The following DLGAP2 variants were observed in gnomAD, a reference collection of about 807,000 sequenced individuals.
DLGAP2 encodes disks large-associated protein 2.
A neutral mutation model predicts 100.3 loss-of-function variants in DLGAP2; 26 were observed. The ratio of observed to expected loss-of-function variants is 0.26; its 90% CI spans 0.19 to 0.36. The LOEUF (loss-of-function observed/expected upper bound fraction) is 0.36. Among genes scored for constraint, DLGAP2 ranks in the 10% least tolerant of loss-of-function variants. DLGAP2 has a pLI of 1.00. For synonymous variants in DLGAP2, 886 were observed against 630.1 expected (o/e 1.41, Z -6.08); for missense variants, 1,858 against 1,453.2 (o/e 1.28, Z -4.53).
intron 2 of DLGAP2, among the ~76,000 whole-genome samples, chr8:960,649 C>G (rs1799704229): frequency 6.6e-6 from 1 of 152,192 alleles, no homozygotes; most frequent in Admixed American, 6.5e-5. Context: ...GTTTAGTCAG[C>G]TGGTATTTAC....
At chr8:1,070,812 G>A (rs2701898) in intron 2 of DLGAP2, among the ~76,000 whole-genome samples, 51,005 of 151,976 alleles carry the variant, frequency 0.34, 9,325 homozygotes, top group East Asian at 0.46. Context: ...TAGAGAGGCC[G>A]TCTGCGTATT....
intron 3 of DLGAP2, among the ~76,000 whole-genome samples, chr8:1,260,392 C>G (rs553777211): frequency 6.6e-6 from 1 of 152,172 alleles, no homozygotes; most frequent in South Asian, 2.1e-4. Context: ...GCATCTTGCT[C>G]TTCGTCTACT....
intron 2 of DLGAP2, among the ~76,000 whole-genome samples, chr8:1,218,639 A>G (rs186261628): frequency 1.3e-5 from 2 of 152,204 alleles, no homozygotes; most frequent in Admixed American, 6.5e-5. Context: ...TTTAATATAT[A>G]TTTTAGAATA....
Position 1,431,740 on chromosome 8 carries a change from A to T in DLGAP2, c.107-69626A>T, listed in dbSNP as rs149578882. 8.2e-3 allele frequency among the ~76,000 whole-genome samples: 1,187 copies of T among 145,014 alleles called. 11 individuals carry two copies. Among genetic ancestry groups the T allele is most frequent in the Admixed American group, 0.015 (216 of 14,750 alleles). On this transcript the variant is annotated intron_variant, in intron 3 of 14. Coordinates refer to ENST00000637795, the MANE Select transcript of DLGAP2 (RefSeq NM_001346810.2). ...ACTCTCCTGGGCTATTGGGCAGCTT[A>T]CTCAGCCTTCCTTTTCTTTAGTTTG...
At chr8:1,457,930 A>G (rs866058387) in intron 3 of DLGAP2, among the ~76,000 whole-genome samples, 2 of 146,774 alleles carry the variant, frequency 1.4e-5, no homozygotes, top group South Asian at 4.3e-4. Context: ...TGATGCAGGG[A>G]AATTATAAAA....
chr8:780,795 G>T (rs1821661850), intron 1 of DLGAP2, among the ~76,000 whole-genome samples: 1 of 152,230 alleles, frequency 6.6e-6, no homozygotes, highest in Non-Finnish European at 1.5e-5. Flanking sequence ...CTCACCAAAG[G>T]CTGGTGCCCT....
At chr8:906,032 G>C (rs1296126449) in intron 1 of DLGAP2, among the ~76,000 whole-genome samples, 1 of 152,214 alleles carries the variant, frequency 6.6e-6, no homozygotes, top group African/African-American at 2.4e-5. Context: ...CGTTAGTCTG[G>C]AGCTAACCGT....
intron 5 of DLGAP2, among the ~76,000 whole-genome samples, chr8:1,552,650 G>A (rs1801808715): frequency 1.3e-5 from 2 of 152,188 alleles, no homozygotes; most frequent in Admixed American, 1.3e-4. Flanking sequence ...GAAACTAAAG[G>A]AATTTGTCTG....
chr8:948,983 A>C (rs1563109530), intron 2 of DLGAP2, among the ~76,000 whole-genome samples: 1 of 139,042 alleles, frequency 7.2e-6, no homozygotes, highest in African/African-American at 2.8e-5. Context: ...CATCTTGAGG[A>C]GTCGCCGGGG....
At chr8:1,500,118 T>C (rs540630406) in intron 3 of DLGAP2, among the ~76,000 whole-genome samples, 1 of 152,362 alleles carries the variant, frequency 6.6e-6, no homozygotes, top group East Asian at 1.9e-4. Flanking sequence ...TATGCCAAAA[T>C]GGTGACAAAG....
rs766978188 is a variant in DLGAP2, at chr8:1,701,400, G to A, written c.3162G>A (p.Arg1054=). 7.2e-5 allele frequency: 114 copies of A among 1,587,556 alleles called. 1 individual carries two copies. The Middle Eastern group carries it at 8.6e-4, about 12-fold the overall frequency. The change falls in exon 15 of 15, where the codon CGG becomes CGA. Residue 1054 remains arginine (R), a synonymous_variant. Transcript: ENST00000637795. The stretch of plus-strand genomic sequence containing the variant: ...TCTACATCCCCGAGGCCCAGACCCG[G>A]CTCTGAGGGCGGAGGCCGGCGCCTT... ...IEIYIPEAQT[R]L
At chr8:1,230,277 G>C (rs1798507983) in intron 2 of DLGAP2, among the ~76,000 whole-genome samples, 1 of 152,072 alleles carries the variant, frequency 6.6e-6, no homozygotes. Flanking sequence ...GCTACAAAAA[G>C]AATAAAATAC....
At chr8:1,279,095 A>G (rs1188598477) in intron 3 of DLGAP2, among the ~76,000 whole-genome samples, 2 of 152,270 alleles carry the variant, frequency 1.3e-5, no homozygotes, top group Admixed American at 6.5e-5. Flanking sequence ...AGAACAAAAT[A>G]GTATTTTTCT....
intron 2 of DLGAP2, among the ~76,000 whole-genome samples, chr8:1,075,818 G>A (rs1222364551): frequency 1.3e-5 from 2 of 152,082 alleles, no homozygotes; most frequent in South Asian, 2.1e-4. Context: ...TGTAATCCCA[G>A]CACCTTGGGA....
intron 2 of DLGAP2, among the ~76,000 whole-genome samples, chr8:1,199,843 G>A (rs1276107860): frequency 3.9e-5 from 6 of 152,070 alleles, no homozygotes; most frequent in Non-Finnish European, 7.4e-5. Context: ...ATAACTCTTA[G>A]AAACACTGGA....
At chr8:914,586 G>A (rs1798552717) in intron 2 of DLGAP2, among the ~76,000 whole-genome samples, 1 of 152,208 alleles carries the variant, frequency 6.6e-6, no homozygotes, top group South Asian at 2.1e-4. Flanking sequence ...ATGAAGCAGG[G>A]TCAGCCCCCA....
intron 4 of DLGAP2, among the ~76,000 whole-genome samples, chr8:1,535,169 C>T (rs368269427): frequency 1.4e-4 from 22 of 152,308 alleles, no homozygotes; most frequent in African/African-American, 5.3e-4. Context: ...GCCCAGAAGT[C>T]CCCCCAGGGG....
At chr8:1,566,202 CTGTT>C (rs1186820799) in intron 6 of DLGAP2, among the ~76,000 whole-genome samples, 6 of 152,158 alleles carry the variant, frequency 3.9e-5, no homozygotes, top group African/African-American at 1.2e-4. Flanking sequence ...GCACATGTCT[CTGTT>C]TGTATGAATG....
At chr8:1,175,176 G>A (rs907295754) in intron 2 of DLGAP2, among the ~76,000 whole-genome samples, 2 of 151,976 alleles carry the variant, frequency 1.3e-5, no homozygotes, top group Admixed American at 6.6e-5. Context: ...TGACATTTCT[G>A]CTATGGCCAT....
Sources: gnomAD v4.1 joint callset for allele counts (sites outside exome capture counted in the v4.1 genomes callset) on GRCh38, gnomAD v4.1.1 for gene constraint, MANE v1.5 for transcripts, NCBI Gene and HGNC (gene_info 2026-07-23, HGNC 2026-07-21) for gene names.